The following DIPK1A variants were observed in gnomAD, a reference collection of about 807,000 sequenced individuals.
The protein encoded by DIPK1A is family with sequence similarity 69 member A.
In DIPK1A, 27 loss-of-function variants were observed where a neutral mutation model predicts 40.8. The observed-to-expected ratio is 0.66, with a 90% confidence interval of 0.49 to 0.91. The LOEUF (loss-of-function observed/expected upper bound fraction) is 0.91. Among genes scored for constraint, DIPK1A ranks in the 40% least tolerant of loss-of-function variants. DIPK1A has a pLI of 0.00. For missense variants in DIPK1A, 412 were observed against 505.7 expected, an observed-to-expected ratio of 0.81 and a Z score of 1.78; for synonymous variants, 166 against 171.3, an observed-to-expected ratio of 0.97 and a Z score of 0.24.
chr1:92,951,152 T>C (rs1056129206), intron 1 of DIPK1A, among the ~76,000 whole-genome samples: 4 of 152,154 alleles, frequency 2.6e-5, no homozygotes, highest in Non-Finnish European at 4.4e-5. Flanking sequence ...AACGCAATCA[T>C]ACGAGCTCTT....
chr1:92,943,130 CT>C (rs747751546), intron 1 of DIPK1A, among the ~76,000 whole-genome samples: 2 of 152,132 alleles, frequency 1.3e-5, no homozygotes, highest in Non-Finnish European at 1.5e-5. Context: ...CAAAACCACA[CT>C]CAAATAAGGA....
chr1:92,871,459 C>T (rs969845025), intron 2 of DIPK1A, among the ~76,000 whole-genome samples: 14 of 152,154 alleles, frequency 9.2e-5, no homozygotes, highest in African/African-American at 2.9e-4. Flanking sequence ...GACACTGCAC[C>T]CGGCCTCTTT....
At chr1:92,853,672 A>T (rs1230255493) in intron 2 of DIPK1A, among the ~76,000 whole-genome samples, 1 of 152,220 alleles carries the variant, frequency 6.6e-6, no homozygotes, top group African/African-American at 2.4e-5. Flanking sequence ...AGCTATTATT[A>T]TTTTACATAG....
chr1:92,834,065 C>T (rs2100678380), intron 4 of DIPK1A: 1 of 269,838 alleles, frequency 3.7e-6, no homozygotes, highest in Non-Finnish European at 7.2e-6. Flanking sequence ...CCCAGCCCTC[C>T]AACCTAGGTG....
At position 92,917,389 on chromosome 1, in the gene DIPK1A, G is replaced by T. The variant is rs547640137; in HGVS notation, c.55-40959C>A. Among the ~76,000 whole-genome samples, 23 of 152,256 alleles carry T rather than the reference G, an allele frequency of 1.5e-4. No individual in the cohort carries two copies. In the East Asian group the frequency reaches 4.0e-3, roughly 27 times the overall value. On this transcript the variant is annotated intron_variant, in intron 1 of 4. Transcript: ENST00000370310. ...TACTTTGCACTATGTCGGTAGTGGG[G>T]TGTGTACGAGTATGTACACATATAG... is the stretch of plus-strand genomic sequence containing the variant.
chr1:92,898,583 T>C (rs1649279943), intron 1 of DIPK1A, among the ~76,000 whole-genome samples: 1 of 152,178 alleles, frequency 6.6e-6, no homozygotes, highest in East Asian at 1.9e-4. Context: ...CAAGGGATTC[T>C]CTGATCTCAG....
chr1:92,834,701 A>G, intron 4 of DIPK1A: 4 of 1,579,190 alleles, frequency 2.5e-6, no homozygotes, highest in Non-Finnish European at 3.5e-6. Context: ...ATGTTTTTTT[A>G]TTCCCTTGAA....
chr1:92,913,327 T>C (rs963627325), intron 1 of DIPK1A, among the ~76,000 whole-genome samples: 3 of 152,116 alleles, frequency 2.0e-5, no homozygotes, highest in Admixed American at 2.0e-4. Context: ...CAGCCCTGTA[T>C]GTTTGCTCTA....
chr1:92,892,324 G>GTT (rs1301123546), intron 1 of DIPK1A, among the ~76,000 whole-genome samples: 1 of 152,072 alleles, frequency 6.6e-6, no homozygotes, highest in Non-Finnish European at 1.5e-5. Flanking sequence ...CCAGAGGAAC[G>GTT]ATCAGGCAGC....
At chr1:92,900,388 G>A (rs1043716740) in intron 1 of DIPK1A, among the ~76,000 whole-genome samples, 1 of 151,848 alleles carries the variant, frequency 6.6e-6, no homozygotes, top group Non-Finnish European at 1.5e-5. Flanking sequence ...ATCAAGACTG[G>A]TGTTGAAACT....
chr1:92,885,037 T>G (rs1648532932), intron 1 of DIPK1A, among the ~76,000 whole-genome samples: 1 of 152,212 alleles, frequency 6.6e-6, no homozygotes, highest in Non-Finnish European at 1.5e-5. Flanking sequence ...TTTATTCATG[T>G]GACTCCTAGA....
chr1:92,883,540 C>T (rs1443113438), intron 1 of DIPK1A, among the ~76,000 whole-genome samples: 1 of 152,198 alleles, frequency 6.6e-6, no homozygotes, highest in Admixed American at 6.5e-5. Flanking sequence ...CTGGAGCCAT[C>T]TGAAGGACTA....
At chr1:92,910,592 C>T (rs1649791717) in intron 1 of DIPK1A, among the ~76,000 whole-genome samples, 1 of 151,656 alleles carries the variant, frequency 6.6e-6, no homozygotes, top group Non-Finnish European at 1.5e-5. Context: ...AGATTCCATT[C>T]CTTTATAAAT....
intron 1 of DIPK1A, among the ~76,000 whole-genome samples, chr1:92,903,540 A>G (rs976430081): frequency 1.3e-5 from 2 of 152,194 alleles, no homozygotes; most frequent in East Asian, 1.9e-4. Flanking sequence ...TAGACCTGTG[A>G]GGCACTGATA....
intron 1 of DIPK1A, among the ~76,000 whole-genome samples, chr1:92,903,254 C>T (rs1649489582): frequency 1.3e-5 from 2 of 152,068 alleles, no homozygotes; most frequent in Admixed American, 6.6e-5. Context: ...CCATGTTGAC[C>T]AGGTGGGTCT....
intron 4 of DIPK1A, among the ~76,000 whole-genome samples, chr1:92,845,817 A>T (rs1687582322): frequency 6.8e-6 from 1 of 147,934 alleles, no homozygotes; most frequent in Admixed American, 6.9e-5. Context: ...CCTGGGCAAC[A>T]GAGCGAGACT....
intron 2 of DIPK1A, among the ~76,000 whole-genome samples, chr1:92,868,729 G>T (rs1466566333): frequency 6.6e-6 from 1 of 152,110 alleles, no homozygotes; most frequent in African/African-American, 2.4e-5. Context: ...ACTTTTGAAG[G>T]CCGAGGCAGG....
chr1:92,895,958 GA>G (rs1245412390), intron 1 of DIPK1A, among the ~76,000 whole-genome samples: 1 of 152,018 alleles, frequency 6.6e-6, no homozygotes, highest in Non-Finnish European at 1.5e-5. Context: ...GGATGTGAAG[GA>G]CCTCTTCAAG....
chr1:92,904,500 C>A (rs1649530606), intron 1 of DIPK1A, among the ~76,000 whole-genome samples: 1 of 151,958 alleles, frequency 6.6e-6, no homozygotes, highest in South Asian at 2.1e-4. Context: ...CAAAAGATGG[C>A]AATGGAATTT....
Sources: allele counts gnomAD v4.1 joint callset (sites outside exome capture counted in the v4.1 genomes callset), GRCh38; gene constraint gnomAD v4.1.1; transcripts MANE v1.5; gene names NCBI Gene and HGNC (gene_info 2026-07-23, HGNC 2026-07-21).